Variants in WSB2 observed in about 807,000 individuals in gnomAD.
WSB2 encodes WD repeat and SOCS box containing 2.
A neutral mutation model predicts 48.8 loss-of-function variants in WSB2; 12 were observed. That is an observed-to-expected ratio of 0.25 (90% CI 0.16 to 0.40). The LOEUF is 0.40. Ranked by LOEUF, WSB2 falls within the 10% of genes least tolerant of loss-of-function variation. WSB2 has a pLI of 1.00. For synonymous variants in WSB2, 191 were observed against 203.1 expected (o/e 0.94, Z 0.51); for missense variants, 317 against 506.2 (o/e 0.63, Z 3.59).
chr12:118,040,040 C>A (rs1009926321), intron 4 of WSB2, among the ~76,000 whole-genome samples: 5 of 151,968 alleles, frequency 3.3e-5, no homozygotes, highest in African/African-American at 1.2e-4. Context: ...AAAAGTTAGT[C>A]ATGGTGCCTG....
At position 118,035,104 on chromosome 12, in the gene WSB2, A is replaced by G; in HGVS notation, c.945-11T>C. 6.2e-7 allele frequency: 1 copy of G among 1,613,948 alleles called. No homozygotes were observed. The highest frequency in any genetic ancestry group is 8.5e-7 in the Non-Finnish European group (1 of 1,179,828). On this transcript the variant is annotated splice_polypyrimidine_tract_variant and intron_variant, in intron 7 of 8. Coordinates refer to ENST00000315436, the MANE Select transcript of WSB2 (RefSeq NM_018639.5). ...CAGATCCTGAGGAGTCTGGATGGGG[A>G]GAGAGAACATCTGGATATTAGCTGA...
At chr12:118,058,319 T>G (rs1194501641) in intron 1 of WSB2, among the ~76,000 whole-genome samples, 1 of 152,112 alleles carries the variant, frequency 6.6e-6, no homozygotes, top group Non-Finnish European at 1.5e-5. Context: ...CTGGCCTCAC[T>G]ATCTAAAGCG....
chr12:118,050,134 G>A (rs1478112982), intron 2 of WSB2, among the ~76,000 whole-genome samples: 1 of 151,692 alleles, frequency 6.6e-6, no homozygotes, highest in East Asian at 1.9e-4. Flanking sequence ...GCAGTGAGCC[G>A]AGATCGCACC....
chr12:118,034,735 T>A, intron 8 of WSB2: 1 of 538,504 alleles, frequency 1.9e-6, no homozygotes, highest in African/African-American at 1.9e-5. Flanking sequence ...CATCTCAATT[T>A]TATTCTCCCT....
rs1332243389 is a variant in WSB2, at chr12:118,036,496, G to A, written c.675C>T (p.Ser225=). Residue 225 remains serine (S), a synonymous_variant, in exon 6 of 9, where the codon AGC becomes AGT. Transcript: ENST00000315436. The stretch of plus-strand genomic sequence containing the variant: ...TCCGAATTAACGTGTAGGACCTCAT[G>A]CTCCATAGAAAGACCTGTGGAAAGT... The part of the protein sequence containing the change: ...AAGEKSVFLW[S]MRSYTLIRKL... The A allele has an allele frequency of 6.2e-7, 1 of 1,613,042 alleles. No homozygotes were observed. Among genetic ancestry groups the A allele is most frequent in the East Asian group, 2.2e-5 (1 of 44,844 alleles).
chr12:118,035,165 C>T, intron 7 of WSB2, 49 bp downstream of exon 7: 3 of 1,612,598 alleles, frequency 1.9e-6, no homozygotes, highest in Non-Finnish European at 2.5e-6. Context: ...GCTGCCATTA[C>T]TTGCAAGCAC....
intron 6 of WSB2, 83 bp downstream of exon 6, chr12:118,036,255 T>C: frequency 6.8e-7 from 1 of 1,475,624 alleles, no homozygotes; most frequent in Non-Finnish European, 9.2e-7. Flanking sequence ...ATGTCCCAGA[T>C]TCTAAAAGAG....
chr12:118,046,385 C>T (rs1243476071), intron 2 of WSB2, among the ~76,000 whole-genome samples: 1 of 151,504 alleles, frequency 6.6e-6, no homozygotes, highest in African/African-American at 2.4e-5. Context: ...ATCACTTGAG[C>T]CCAGGAGGCA....
intron 2 of WSB2, among the ~76,000 whole-genome samples, chr12:118,049,937 A>G (rs2031818089): frequency 6.6e-6 from 1 of 152,250 alleles, no homozygotes; most frequent in African/African-American, 2.4e-5. Flanking sequence ...GGCAAGGGCC[A>G]TGTCTGATTT....
intron 2 of WSB2, among the ~76,000 whole-genome samples, chr12:118,051,137 T>C (rs941649835): frequency 3.3e-5 from 5 of 151,538 alleles, no homozygotes; most frequent in African/African-American, 1.2e-4. Flanking sequence ...CACTATGAAA[T>C]GCCACTTCAT....
chr12:118,061,069 G>A lies in WSB2; in HGVS notation c.-21C>T. 1 of 982,308 alleles carries A rather than the reference G, an allele frequency of 1.0e-6. No individual in the cohort carries two copies. The highest frequency in any genetic ancestry group is 1.2e-6 in the Non-Finnish European group (1 of 829,414). 60.8% of individuals were successfully genotyped at this position (982,308 alleles called of 1,614,324 possible). A position where few individuals can be genotyped will look rare whatever the true frequency, so the allele number is the denominator to read the frequency against. On this transcript the variant is annotated 5_prime_UTR_variant, in exon 1 of 9. Coordinates refer to ENST00000315436, the MANE Select transcript of WSB2 (RefSeq NM_018639.5). ...TCCATGGAGGACGCGAGCGGCCCCC[G>A]CGGCAGGCGGCGGGCGCCTCAGCCC...
rs2032040619 is a variant in WSB2, at chr12:118,060,498, T to C, written c.13+538A>G. On this transcript the variant is annotated intron_variant, in intron 1 of 8. Transcript: ENST00000315436. This position sits in a 1 kb window ranked among gnomAD's most constrained non-coding sequence, Gnocchi z 4.1. The stretch of plus-strand genomic sequence containing the variant: ...GAACCCAGACCCCAGACCCCATTTT[T>C]ACCGGGTCCCAGCCACCCTCCGAGG... 6.6e-6 allele frequency among the ~76,000 whole-genome samples: 1 copy of C among 152,128 alleles called. No individual in the cohort carries two copies. The highest frequency in any genetic ancestry group is 2.4e-5 in the African/African-American group (1 of 41,428).
At chr12:118,054,179 C>T (rs1426377603) in intron 1 of WSB2, among the ~76,000 whole-genome samples, 3 of 135,022 alleles carry the variant, frequency 2.2e-5, no homozygotes, top group Non-Finnish European at 4.5e-5. Flanking sequence ...TAAGACCAGC[C>T]TGGCAAACAT....
rs556626593 is a variant in WSB2, at chr12:118,045,364, CA to C, written c.183-1988del. 3.4e-3 allele frequency among the ~76,000 whole-genome samples: 436 copies of C among 129,402 alleles called. 3 individuals are homozygous for C. Among genetic ancestry groups the C allele is most frequent in the African/African-American group, 9.7e-3 (342 of 35,112 alleles). 84.9% of individuals were successfully genotyped at this position (129,402 alleles called of 152,430 possible). A position where few individuals can be genotyped will look rare whatever the true frequency, so the allele number is the denominator to read the frequency against. Reference sequence around the variant, plus strand: ...TGGGCAACAGAGCAAGACTCCATCTCAAAAAAAAAAAAGAATTTTAACCAAG... The same window carrying C: ...TGGGCAACAGAGCAAGACTCCATCTCAAAAAAAAAAAGAATTTTAACCAAG... On this transcript the variant is annotated intron_variant, in intron 2 of 8. Coordinates refer to ENST00000315436, the MANE Select transcript of WSB2 (RefSeq NM_018639.5).
Position 118,036,297 on chromosome 12 carries a change from G to A in WSB2, c.833+41C>T, listed in dbSNP as rs1027888063. On this transcript the variant is annotated intron_variant, in intron 6 of 8. Transcript: ENST00000315436. The stretch of plus-strand genomic sequence containing the variant: ...CTAATCCCAGGCAGGTTCCTCATCA[G>A]TCCCCCCACAAAAAAGTCATAGCAG... 3 of 1,594,040 alleles carry A rather than the reference G, an allele frequency of 1.9e-6. No individual in the cohort carries two copies. In the South Asian group the frequency reaches 3.4e-5, roughly 18 times the overall value.
chr12:118,052,548 C>A, intron 1 of WSB2, 70 bp from the exon 2 acceptor site: 1 of 1,593,952 alleles, frequency 6.3e-7, no homozygotes, highest in Non-Finnish European at 8.5e-7. Context: ...ACAGGAAAGC[C>A]ACTGTCTCCC....
chr12:118,049,256 T>G (rs2031803556), intron 2 of WSB2, among the ~76,000 whole-genome samples: 1 of 152,158 alleles, frequency 6.6e-6, no homozygotes. Flanking sequence ...ATAACAAAAT[T>G]TGATGGCTGC....
chr12:118,042,413 G>T (rs1186032379), intron 4 of WSB2: 2 of 177,532 alleles, frequency 1.1e-5, no homozygotes, highest in East Asian at 3.2e-4. Flanking sequence ...ACGACAAAGG[G>T]TTATCCAGCC....
intron 5 of WSB2, 77 bp downstream of exon 5, chr12:118,038,211 G>T: frequency 1.4e-6 from 2 of 1,380,520 alleles, no homozygotes; most frequent in Non-Finnish European, 1.9e-6. Context: ...ACGATTTTGA[G>T]AACACTCACA....
Sources: allele counts gnomAD v4.1 joint callset (sites outside exome capture counted in the v4.1 genomes callset), GRCh38; gene constraint gnomAD v4.1.1; non-coding constraint Gnocchi (gnomAD v3.1); transcripts MANE v1.5; gene names NCBI Gene and HGNC (gene_info 2026-07-23, HGNC 2026-07-21).